PRKCE: variants seen among roughly 807,000 people sequenced by gnomAD.
PRKCE encodes the protein protein kinase C epsilon, also known as protein kinase C epsilon type.
PRKCE carries 16 observed loss-of-function variants against 85.4 expected under a neutral mutation model. The observed-to-expected ratio is 0.19, with a 90% CI of 0.13 to 0.28. The LOEUF is 0.28. PRKCE is among the 10% of genes least tolerant of loss of function. PRKCE has a pLI of 1.00. For missense variants in PRKCE, 573 were observed against 975.2 expected (o/e 0.59, Z 5.49); for synonymous variants, 388 against 371.5 (o/e 1.04, Z -0.51).
intron 6 of PRKCE, among the ~76,000 whole-genome samples, chr2:45,999,852 C>G (rs1207793080): frequency 6.6e-6 from 1 of 152,086 alleles, no homozygotes; most frequent in African/African-American, 2.4e-5. Flanking sequence ...TCCTGAAGCT[C>G]AGAGATTGTT....
At chr2:46,045,156 CCA>C (rs1466303301) in intron 10 of PRKCE, among the ~76,000 whole-genome samples, 1 of 152,072 alleles carries the variant, frequency 6.6e-6, no homozygotes, top group Non-Finnish European at 1.5e-5. Flanking sequence ...CTAGGGTATA[CCA>C]CATATAGCAA....
chr2:46,072,122 C>G (rs1668133068), intron 10 of PRKCE, among the ~76,000 whole-genome samples: 1 of 152,170 alleles, frequency 6.6e-6, no homozygotes, highest in Non-Finnish European at 1.5e-5. Context: ...ATATGGAGAT[C>G]AAAGAATTTA....
chr2:45,741,617 A>ATGGGCATGTGCACGTTT (rs986084778), intron 1 of PRKCE, among the ~76,000 whole-genome samples: 2 of 152,142 alleles, frequency 1.3e-5, no homozygotes, highest in African/African-American at 2.4e-5. Flanking sequence ...AGCCTGGCAG[A>ATGGGCATGTGCACGTTT]TGGGCATGTG....
chr2:46,112,611 C>G (rs1245934054), intron 11 of PRKCE, among the ~76,000 whole-genome samples: 1 of 151,994 alleles, frequency 6.6e-6, no homozygotes, highest in Non-Finnish European at 1.5e-5. Flanking sequence ...CTCCACCACC[C>G]GGGTTCAGGC....
At chr2:46,176,213 C>T (rs377200142) in intron 14 of PRKCE, among the ~76,000 whole-genome samples, 9 of 152,160 alleles carry the variant, frequency 5.9e-5, no homozygotes, top group African/African-American at 1.9e-4. Flanking sequence ...AGGCAAATTA[C>T]ATTTAATAAA....
intron 14 of PRKCE, among the ~76,000 whole-genome samples, chr2:46,175,260 T>G (rs1679312907): frequency 6.6e-6 from 1 of 152,164 alleles, no homozygotes; most frequent in South Asian, 2.1e-4. Flanking sequence ...GAAAACTAAT[T>G]GGTTCTAGAT....
intron 1 of PRKCE, among the ~76,000 whole-genome samples, chr2:45,688,854 C>T (rs1677503591): frequency 1.3e-5 from 2 of 152,226 alleles, no homozygotes; most frequent in African/African-American, 2.4e-5. Flanking sequence ...GATCAATGTG[C>T]ATTAGCCAGA....
At chr2:45,951,797 A>G (rs570779121) in intron 2 of PRKCE, among the ~76,000 whole-genome samples, 22 of 152,330 alleles carry the variant, frequency 1.4e-4, no homozygotes, top group Admixed American at 3.3e-4. Context: ...AAATGTGACA[A>G]ACTCAGTTGA....
At chr2:45,956,464 G>A (rs1000425972) in intron 2 of PRKCE, among the ~76,000 whole-genome samples, 45 of 151,816 alleles carry the variant, frequency 3.0e-4, no homozygotes, top group African/African-American at 9.5e-4. Context: ...TGGATCACCT[G>A]AGGTCAGGAG....
chr2:45,988,585 T>C (rs891873637), intron 6 of PRKCE, among the ~76,000 whole-genome samples: 3 of 152,154 alleles, frequency 2.0e-5, no homozygotes, highest in Admixed American at 1.3e-4. Context: ...CACACGATCA[T>C]TGGGTAACTG....
intron 10 of PRKCE, among the ~76,000 whole-genome samples, chr2:46,049,186 A>G (rs1196170335): frequency 6.6e-6 from 1 of 151,952 alleles, no homozygotes; most frequent in African/African-American, 2.4e-5. Flanking sequence ...TTTTTCCTAG[A>G]CGTTTCCTTA....
At chr2:46,085,706 A>G (rs1432989296) in intron 10 of PRKCE, among the ~76,000 whole-genome samples, 1 of 114,928 alleles carries the variant, frequency 8.7e-6, no homozygotes, top group Admixed American at 9.3e-5. Flanking sequence ...CTATCTCAGG[A>G]TCCTTCACTT....
At chr2:45,660,307 T>A (rs1289514484) in intron 1 of PRKCE, among the ~76,000 whole-genome samples, 2 of 152,212 alleles carry the variant, frequency 1.3e-5, no homozygotes, top group African/African-American at 4.8e-5. Context: ...TAAAAATCTA[T>A]GAGATCCCTG....
rs1051707319 is a variant in PRKCE at position 46,184,196 on chromosome 2, G to A, written c.2068-539G>A. On this transcript the variant is annotated intron_variant, in intron 14 of 14. Transcript: ENST00000306156. This position sits in a 1 kb window ranked among gnomAD's most constrained non-coding sequence, Gnocchi z 5.0. The stretch of plus-strand genomic sequence containing the variant: ...AGTCAATGTGCTGAGTTTAATAATT[G>A]AAAAAATACTGGAGCACAAAATTGG... Among the ~76,000 whole-genome samples the A allele has an allele frequency of 4.6e-5, 7 of 152,118 alleles. No homozygotes were observed. The highest frequency in any genetic ancestry group is 1.4e-4 in the African/African-American group (6 of 41,420).
At chr2:45,699,259 C>T (rs567614506) in intron 1 of PRKCE, among the ~76,000 whole-genome samples, 16 of 152,232 alleles carry the variant, frequency 1.1e-4, no homozygotes, top group East Asian at 5.8e-4. Flanking sequence ...GCCTTTTGCA[C>T]GGACCTCTGC....
At chr2:45,829,905 C>G (rs1286100921) in intron 1 of PRKCE, among the ~76,000 whole-genome samples, 12 of 151,620 alleles carry the variant, frequency 7.9e-5, no homozygotes, top group African/African-American at 2.9e-4. Context: ...AACCCCGTCT[C>G]TACTAAAAAT....
intron 10 of PRKCE, among the ~76,000 whole-genome samples, chr2:46,038,459 G>A (rs1274849698): frequency 2.0e-5 from 3 of 152,058 alleles, no homozygotes; most frequent in African/African-American, 4.8e-5. Context: ...GATATCTCAC[G>A]GGCCAAAAGT....
chr2:45,687,801 G>A (rs973098756), intron 1 of PRKCE, among the ~76,000 whole-genome samples: 21 of 152,224 alleles, frequency 1.4e-4, no homozygotes, highest in African/African-American at 5.1e-4. Flanking sequence ...TTCAGAAAAA[G>A]GGAGAGTCCT....
At chr2:45,961,575 C>G (rs901920017) in intron 2 of PRKCE, among the ~76,000 whole-genome samples, 1 of 152,206 alleles carries the variant, frequency 6.6e-6, no homozygotes, top group African/African-American at 2.4e-5. Flanking sequence ...TGGGGACAGG[C>G]AGAGACCCCA....
Sources: allele counts gnomAD v4.1 joint callset (sites outside exome capture counted in the v4.1 genomes callset), GRCh38; gene constraint gnomAD v4.1.1; non-coding constraint Gnocchi (gnomAD v3.1); transcripts MANE v1.5; gene names NCBI Gene and HGNC (gene_info 2026-07-23, HGNC 2026-07-21).